GSE1: variants seen among roughly 807,000 people sequenced by gnomAD.
GSE1 encodes genetic suppressor element 1.
Under a neutral mutation model 112.6 loss-of-function variants are expected in GSE1, and 32 were observed. That is an observed-to-expected ratio of 0.28 (90% confidence interval 0.21 to 0.38). GSE1 has a LOEUF of 0.38. Ranked by LOEUF, GSE1 falls within the 10% of genes least tolerant of loss-of-function variation. The pLI, the probability that GSE1 is intolerant of heterozygous loss-of-function variation, is 1.00. For synonymous variants in GSE1, 1,115 were observed against 735.6 expected (o/e 1.52, Z -8.35); for missense variants, 2,348 against 1,699.2 (o/e 1.38, Z -6.71).
intron 2 of GSE1, among the ~76,000 whole-genome samples, chr16:85,378,627 G>A (rs764293210): frequency 3.3e-5 from 5 of 152,206 alleles, no homozygotes; most frequent in Non-Finnish European, 4.4e-5. Flanking sequence ...ATCCTCCCAT[G>A]GCTCTCATGA....
chr16:85,451,094 AAAAAGC>A (rs2049666735), intron 2 of GSE1, among the ~76,000 whole-genome samples: 1 of 151,658 alleles, frequency 6.6e-6, no homozygotes, highest in East Asian at 1.9e-4. Context: ...AAAAAAAAAA[AAAAAGC>A]CAGGTTTATT....
chr16:85,337,591 C>T (rs1472354062), intron 1 of GSE1, among the ~76,000 whole-genome samples: 1 of 152,200 alleles, frequency 6.6e-6, no homozygotes, highest in Non-Finnish European at 1.5e-5. Flanking sequence ...AGGCGTGAGC[C>T]ACCGCGCCCG....
chr16:85,267,805 C>T (rs1250631628), intron 1 of GSE1, among the ~76,000 whole-genome samples: 1 of 152,188 alleles, frequency 6.6e-6, no homozygotes, highest in Admixed American at 6.5e-5. Context: ...TATGCTCTTA[C>T]TGTATAGGAG....
intron 1 of GSE1, among the ~76,000 whole-genome samples, chr16:85,179,947 C>CT (rs774466754): frequency 3.3e-5 from 5 of 152,206 alleles, no homozygotes; most frequent in Non-Finnish European, 5.9e-5. Context: ...AGATGATAGA[C>CT]TATTAGCTGA....
At chr16:85,611,302 A>G (rs1598371791), upstream of GSE1, 1 of 106,272 alleles carries the variant, frequency 9.4e-6, no homozygotes, top group Admixed American at 9.6e-5. Flanking sequence ...GTGGGGGTGG[A>G]GGCGCCCCTC....
chr16:85,637,927 G>C (rs1181174434), intron 2 of GSE1, among the ~76,000 whole-genome samples: 1 of 152,202 alleles, frequency 6.6e-6, no homozygotes, highest in East Asian at 1.9e-4. Context: ...AGAGGGGGCA[G>C]GGATGGAAGC....
At chr16:85,661,931 C>T (rs1283688730) in intron 9 of GSE1, among the ~76,000 whole-genome samples, 166 bp downstream of exon 9, 1 of 152,218 alleles carries the variant, frequency 6.6e-6, no homozygotes, top group East Asian at 1.9e-4. Flanking sequence ...CAGCATGACA[C>T]CCTCGTAGGG....
chr16:85,474,597 G>C (rs373257016), intron 2 of GSE1, among the ~76,000 whole-genome samples: 7 of 151,984 alleles, frequency 4.6e-5, no homozygotes, highest in Admixed American at 2.6e-4. Context: ...CCATCACCCT[G>C]TCTCCTCCCC....
chr16:85,513,843 T>TC (rs969878634), intron 2 of GSE1, among the ~76,000 whole-genome samples: 1 of 151,518 alleles, frequency 6.6e-6, no homozygotes, highest in African/African-American at 2.4e-5. Flanking sequence ...AACATCAGAA[T>TC]CCCCCCGGGG....
chr16:85,231,618 G>T (rs1334246634), intron 1 of GSE1, among the ~76,000 whole-genome samples: 1 of 152,192 alleles, frequency 6.6e-6, no homozygotes, highest in East Asian at 1.9e-4. Flanking sequence ...GTGGAATAGA[G>T]GGGTGGCTAG....
chr16:85,462,717 AGGCGGG>A (rs1214785041), intron 2 of GSE1, among the ~76,000 whole-genome samples: 613 of 32,326 alleles, frequency 0.019, 9 homozygotes, highest in African/African-American at 0.066. Flanking sequence ...GGGAGGCGGG[AGGCGGG>A]AGGCGGCGCC....
At chr16:85,368,899 G>A (rs1009370802) in intron 2 of GSE1, among the ~76,000 whole-genome samples, 3 of 152,092 alleles carry the variant, frequency 2.0e-5, no homozygotes, top group Non-Finnish European at 4.4e-5. Context: ...GGAGGGCTGC[G>A]GGCTCCCTGA....
rs138130040 is a variant in GSE1, at chr16:85,277,343, G to A, written c.2284-80120G>A. ...GGGTGCCTTGGAGCCCTCCACAGGA[G>A]CCCTGAAGGAGAGAATGGGGTTCCA... On this transcript the variant is annotated intron_variant, in intron 1 of 2. Transcript: ENST00000637419. Among the ~76,000 whole-genome samples, 211 of 152,304 alleles carry A rather than the reference G, an allele frequency of 1.4e-3. 1 individual carries two copies. Among genetic ancestry groups the A allele is most frequent in the African/African-American group, 4.9e-3 (205 of 41,566 alleles).
At chr16:85,530,032 G>A (rs1372985724) in intron 2 of GSE1, among the ~76,000 whole-genome samples, 1 of 152,190 alleles carries the variant, frequency 6.6e-6, no homozygotes, top group African/African-American at 2.4e-5. Flanking sequence ...TGCACAACCT[G>A]CCCGCATGTA....
At chr16:85,240,533 G>A (rs192931163) in intron 1 of GSE1, among the ~76,000 whole-genome samples, 1 of 152,254 alleles carries the variant, frequency 6.6e-6, no homozygotes, top group Non-Finnish European at 1.5e-5. Flanking sequence ...TCCTGGCAGG[G>A]GCGAGGGGCC....
At chr16:85,532,860 G>T (rs2044181143) in intron 2 of GSE1, among the ~76,000 whole-genome samples, 1 of 152,224 alleles carries the variant, frequency 6.6e-6, no homozygotes, top group Admixed American at 6.5e-5. Flanking sequence ...CGTGAAGTGG[G>T]CCGCCCCTGC....
intron 2 of GSE1, among the ~76,000 whole-genome samples, chr16:85,398,979 T>C (rs965639300): frequency 6.6e-6 from 1 of 152,146 alleles, no homozygotes; most frequent in African/African-American, 2.4e-5. Context: ...GTGTGTAGCA[T>C]GTGCATATGT....
upstream of GSE1, chr16:85,555,665 C>G (rs1435745734): frequency 3.4e-6 from 3 of 892,824 alleles, no homozygotes; most frequent in Admixed American, 6.5e-5. Flanking sequence ...AAGAGATACC[C>G]CCTCCCGCCG....
At chr16:85,182,933 C>G (rs1265023963) in intron 1 of GSE1, among the ~76,000 whole-genome samples, 4 of 152,268 alleles carry the variant, frequency 2.6e-5, no homozygotes, top group East Asian at 3.9e-4. Flanking sequence ...TCTCCTGCAC[C>G]ACGCTCGCAC....
Sources: gnomAD v4.1 joint callset for allele counts (sites outside exome capture counted in the v4.1 genomes callset) on GRCh38, gnomAD v4.1.1 for gene constraint, MANE v1.5 for transcripts, NCBI Gene and HGNC (gene_info 2026-07-23, HGNC 2026-07-21) for gene names.